MLLT3: variants seen among roughly 807,000 people sequenced by gnomAD.
The protein encoded by MLLT3 is MLLT3 super elongation complex subunit.
MLLT3 carries 4 observed loss-of-function variants against 53.2 expected under a neutral mutation model. The ratio of observed to expected loss-of-function variants is 0.08; its 90% confidence interval spans 0.04 to 0.17. MLLT3 has a LOEUF of 0.17. MLLT3 is among the 10% of genes least tolerant of loss of function. The probability of loss-of-function intolerance (pLI) is 1.00; values close to 1 mark genes in which losing one functional copy is unlikely to be tolerated. For synonymous variants in MLLT3, 283 were observed against 230.6 expected, an observed-to-expected ratio of 1.23 and a Z score of -2.06; for missense variants, 569 against 684.0, an observed-to-expected ratio of 0.83 and a Z score of 1.87.
At chr9:20,547,536 C>T (rs919914491) in intron 2 of MLLT3, among the ~76,000 whole-genome samples, 1 of 150,336 alleles carries the variant, frequency 6.7e-6, no homozygotes, top group South Asian at 2.1e-4. Context: ...CCCAGCTACT[C>T]GGGAGGCTGA....
intron 5 of MLLT3, among the ~76,000 whole-genome samples, chr9:20,412,372 C>A (rs1049305327): frequency 3.9e-5 from 6 of 152,208 alleles, no homozygotes; most frequent in African/African-American, 1.4e-4. Context: ...AAAGCCTTTA[C>A]CAAATACTGG....
intron 4 of MLLT3, among the ~76,000 whole-genome samples, chr9:20,432,939 T>C (rs1434487781): frequency 1.3e-5 from 2 of 152,144 alleles, no homozygotes; most frequent in African/African-American, 2.4e-5. Flanking sequence ...TGAATGAATG[T>C]ATACATTTAT....
intron 2 of MLLT3, among the ~76,000 whole-genome samples, chr9:20,515,134 G>C (rs572670458): frequency 2.0e-5 from 3 of 152,080 alleles, no homozygotes; most frequent in Admixed American, 1.3e-4. Flanking sequence ...TTCTAGCAGA[G>C]ATGGGGTTTC....
chr9:20,443,234 C>T (rs917725169), intron 4 of MLLT3, among the ~76,000 whole-genome samples: 5 of 151,914 alleles, frequency 3.3e-5, no homozygotes, highest in African/African-American at 1.2e-4. Flanking sequence ...ATTTGGTTTC[C>T]AGGCCAAAAA....
At chr9:20,375,517 C>T (rs1821739222) in intron 5 of MLLT3, among the ~76,000 whole-genome samples, 1 of 151,850 alleles carries the variant, frequency 6.6e-6, no homozygotes, top group South Asian at 2.1e-4. Flanking sequence ...GTTAATGTGT[C>T]TGATCCATTG....
At chr9:20,487,632 T>C (rs1824847893) in intron 2 of MLLT3, among the ~76,000 whole-genome samples, 1 of 152,130 alleles carries the variant, frequency 6.6e-6, no homozygotes, top group African/African-American at 2.4e-5. Context: ...AATTTAGTTA[T>C]CAGACAACGT....
At chr9:20,510,663 T>C (rs1237363020) in intron 2 of MLLT3, among the ~76,000 whole-genome samples, 4 of 151,566 alleles carry the variant, frequency 2.6e-5, no homozygotes, top group Non-Finnish European at 5.9e-5. Context: ...TGGTGATTGT[T>C]AATATTCAGA....
At chr9:20,410,311 C>G (rs1431426465) in intron 5 of MLLT3, among the ~76,000 whole-genome samples, 1 of 152,120 alleles carries the variant, frequency 6.6e-6, no homozygotes, top group African/African-American at 2.4e-5. Flanking sequence ...ACCCAGAAGT[C>G]AAGTCATACA....
rs1290423946 is a variant in MLLT3, at chr9:20,346,061, G to A, written c.*382C>T. 1 of 250,208 alleles carries A rather than the reference G, an allele frequency of 4.0e-6. No individual in the cohort carries two copies. Among genetic ancestry groups the A allele is most frequent in the Non-Finnish European group, 7.8e-6 (1 of 127,750 alleles). The allele number at this position is 250,208 out of a possible 1,614,324, so 15.5% of individuals were successfully genotyped here. A position where few individuals can be genotyped will look rare whatever the true frequency, so the allele number is the denominator to read the frequency against. ...AATAGATCAGTTATGTAATAAGGCA[G>A]TGTGTTGAATATGCATTCGTCCTGT... On this transcript the variant is annotated 3_prime_UTR_variant, in exon 11 of 11. Coordinates refer to ENST00000380338, the MANE Select transcript of MLLT3 (RefSeq NM_004529.4).
At chr9:20,415,417 A>AAG (rs1822846523) in intron 4 of MLLT3, 1 of 939,812 alleles carries the variant, frequency 1.1e-6, no homozygotes, top group Non-Finnish European at 1.3e-6. Context: ...TTAGGAACAA[A>AAG]ATCTAAGTCC....
intron 2 of MLLT3, among the ~76,000 whole-genome samples, chr9:20,487,786 T>C (rs535957265): frequency 3.8e-4 from 58 of 152,270 alleles, no homozygotes; most frequent in Middle Eastern, 3.4e-3. Flanking sequence ...TTCCATTGAA[T>C]TCTAGTAGCC....
At chr9:20,549,086 G>C (rs922797100) in intron 2 of MLLT3, among the ~76,000 whole-genome samples, 2 of 152,032 alleles carry the variant, frequency 1.3e-5, no homozygotes, top group Non-Finnish European at 2.9e-5. Context: ...AAGTGCTGGG[G>C]TTACAGGCAT....
chr9:20,383,632 A>G (rs1037211251), intron 5 of MLLT3, among the ~76,000 whole-genome samples: 1 of 151,990 alleles, frequency 6.6e-6, no homozygotes, highest in Non-Finnish European at 1.5e-5. Flanking sequence ...AGTTACTATT[A>G]TCATCAATAG....
In MLLT3 at chr9:20,345,868, T is replaced by A. The variant is rs1365166513; in HGVS notation, c.*575A>T. On this transcript the variant is annotated 3_prime_UTR_variant, in exon 11 of 11. Coordinates refer to ENST00000380338, the MANE Select transcript of MLLT3 (RefSeq NM_004529.4). ...GGTGGAAAATACAGACTGCAACGAG[T>A]TAAAGGACTTGGAAAAAGTTGGTGG... 2 of 228,366 alleles carry A rather than the reference T, an allele frequency of 8.8e-6. No individual in the cohort carries two copies. The highest frequency in any genetic ancestry group is 1.2e-4 in the East Asian group (2 of 16,046). 14.1% of individuals were successfully genotyped at this position (228,366 alleles called of 1,614,324 possible).
chr9:20,606,794 C>T (rs1428782202), intron 2 of MLLT3, among the ~76,000 whole-genome samples: 1 of 152,116 alleles, frequency 6.6e-6, no homozygotes, highest in Non-Finnish European at 1.5e-5. Flanking sequence ...CCATTTCCCA[C>T]GCATTCAATG....
chr9:20,433,753 T>C (rs989907480), intron 4 of MLLT3, among the ~76,000 whole-genome samples: 1 of 152,054 alleles, frequency 6.6e-6, no homozygotes, highest in South Asian at 2.1e-4. Flanking sequence ...CTCTTTCCAG[T>C]TGATGGAGGC....
At chr9:20,508,395 T>C (rs1825437484) in intron 2 of MLLT3, among the ~76,000 whole-genome samples, 1 of 152,140 alleles carries the variant, frequency 6.6e-6, no homozygotes, top group Admixed American at 6.5e-5. Context: ...TGTTTACAGA[T>C]GGTAGAAAGA....
intron 2 of MLLT3, among the ~76,000 whole-genome samples, chr9:20,579,975 G>A (rs1435013321): frequency 1.3e-5 from 2 of 152,184 alleles, no homozygotes; most frequent in East Asian, 1.9e-4. Context: ...CCAGACTCGT[G>A]TGAGGTAAAT....
At chr9:20,360,679 C>G in intron 8 of MLLT3, 63 bp downstream of exon 8, 1 of 1,359,778 alleles carries the variant, frequency 7.4e-7, no homozygotes, top group East Asian at 2.3e-5. Flanking sequence ...GTTTTGCATG[C>G]TTTGTAAAAA....
Sources: allele counts gnomAD v4.1 joint callset (sites outside exome capture counted in the v4.1 genomes callset), GRCh38; gene constraint gnomAD v4.1.1; transcripts MANE v1.5; gene names NCBI Gene and HGNC (gene_info 2026-07-23, HGNC 2026-07-21).